IPO9: variants seen among roughly 807,000 people sequenced by gnomAD.
The protein encoded by IPO9 is importin-9.
In IPO9, 28 loss-of-function variants were observed where a neutral mutation model predicts 128.6. The ratio of observed to expected loss-of-function variants is 0.22; its 90% CI spans 0.16 to 0.30. The LOEUF is 0.30. Among genes scored for constraint, IPO9 ranks in the 10% least tolerant of loss-of-function variants. IPO9 has a pLI of 1.00. For synonymous variants in IPO9, 455 were observed against 475.8 expected (o/e 0.96, Z 0.57); for missense variants, 935 against 1,293.9 (o/e 0.72, Z 4.26).
chr1:201,855,640 T>C, intron 9 of IPO9, 143 bp from the exon 10 acceptor site: 1 of 721,900 alleles, frequency 1.4e-6, no homozygotes, highest in African/African-American at 1.8e-5. Context: ...CTCTGAGCCC[T>C]CTCTCCCAAT....
chr1:201,875,125 C>G, intron 22 of IPO9, 27 bp from the exon 23 acceptor site: 1 of 1,602,802 alleles, frequency 6.2e-7, no homozygotes, highest in Non-Finnish European at 8.5e-7. Context: ...TTGTCCTGAC[C>G]CGCCCTGTGT....
In IPO9 at chr1:201,876,392, T is replaced by C. The variant is rs1680764000; in HGVS notation, c.*338T>C. 2 of 412,800 alleles carry C rather than the reference T, an allele frequency of 4.8e-6. No individual in the cohort carries two copies. The highest frequency in any genetic ancestry group is 3.5e-5 in the Admixed American group (1 of 28,284). 25.6% of individuals were successfully genotyped at this position (412,800 alleles called of 1,614,324 possible). On this transcript the variant is annotated 3_prime_UTR_variant, in exon 24 of 24. Coordinates refer to ENST00000361565, the MANE Select transcript of IPO9 (RefSeq NM_018085.5). ...AGAAGGATTATGTGTTTATGGATTATTTTGCCCCGCCTCAGGAGCGCAGGA... is the reference window on the plus strand; with the variant it reads ...AGAAGGATTATGTGTTTATGGATTACTTTGCCCCGCCTCAGGAGCGCAGGA...
At chr1:201,874,166 G>A in intron 20 of IPO9, 84 bp from the exon 21 acceptor site, 1 of 1,452,180 alleles carries the variant, frequency 6.9e-7, no homozygotes, top group Non-Finnish European at 9.5e-7. Flanking sequence ...GAACTCTGGT[G>A]AGTGGCACTG....
At chr1:201,831,372 A>G (rs2102865203) in intron 1 of IPO9, among the ~76,000 whole-genome samples, 1 of 152,260 alleles carries the variant, frequency 6.6e-6, no homozygotes, top group Admixed American at 6.5e-5. Context: ...CATATGACTC[A>G]GGTTTTGGAT....
intron 6 of IPO9, among the ~76,000 whole-genome samples, chr1:201,853,800 G>T (rs1680268447): frequency 1.3e-5 from 2 of 152,130 alleles, no homozygotes; most frequent in Non-Finnish European, 2.9e-5. Flanking sequence ...GTGCAGTGGT[G>T]CAATCTCAGC....
At chr1:201,865,199 C>CTTTT (rs201084995) in intron 14 of IPO9, among the ~76,000 whole-genome samples, 27 of 132,850 alleles carry the variant, frequency 2.0e-4, no homozygotes, top group Non-Finnish European at 2.7e-4. Flanking sequence ...AACTATTTTT[C>CTTTT]TTTTTTTTTT....
chr1:201,865,526 T>G (rs1184031088), intron 14 of IPO9, among the ~76,000 whole-genome samples: 1 of 152,158 alleles, frequency 6.6e-6, no homozygotes, highest in Non-Finnish European at 1.5e-5. Context: ...TCTTTTCTAA[T>G]GTCACTAGTA....
intron 10 of IPO9, 145 bp downstream of exon 10, chr1:201,856,079 C>G: frequency 1.7e-6 from 1 of 575,868 alleles, no homozygotes; most frequent in Non-Finnish European, 2.7e-6. Context: ...AAAGGTTTGA[C>G]ATCATTTTAT....
chr1:201,867,465 A>G (rs1680574619), intron 15 of IPO9, among the ~76,000 whole-genome samples: 1 of 152,162 alleles, frequency 6.6e-6, no homozygotes, highest in Non-Finnish European at 1.5e-5. Context: ...TTAAAAATCA[A>G]GCTTAAAAGG....
At position 201,855,873 on chromosome 1, in the gene IPO9, A is replaced by C. The variant is rs765772025; in HGVS notation, c.1061A>C (p.Lys354Thr). ...AATAGCAAATTCAAAAGCACTGTTAAGAAAGCCTTGCCTGAATTGATTTAT... is the reference window on the plus strand; with the variant it reads ...AATAGCAAATTCAAAAGCACTGTTACGAAAGCCTTGCCTGAATTGATTTAT... ...LENSKFKSTVKKALPELIYYI... is the reference protein window; with the variant it reads ...LENSKFKSTVTKALPELIYYI... The change falls in exon 10 of 24, where the codon AAG becomes ACG. Residue 354 changes from lysine (K) to threonine (T), a missense_variant. Coordinates refer to ENST00000361565, the MANE Select transcript of IPO9 (RefSeq NM_018085.5). The C allele has an allele frequency of 6.2e-7, 1 of 1,612,216 alleles. No individual in the cohort carries two copies. Among genetic ancestry groups the C allele is most frequent in the South Asian group, 1.1e-5 (1 of 90,494 alleles).
chr1:201,849,204 C>G (rs1571544177), intron 4 of IPO9, among the ~76,000 whole-genome samples: 1 of 152,202 alleles, frequency 6.6e-6, no homozygotes, highest in East Asian at 1.9e-4. Flanking sequence ...TTCCTTCTCT[C>G]TGTTCTGAGA....
intron 1 of IPO9, among the ~76,000 whole-genome samples, chr1:201,835,467 A>T (rs1168876175): frequency 1.3e-5 from 2 of 152,254 alleles, no homozygotes; most frequent in East Asian, 3.9e-4. Flanking sequence ...AAGTCAAAGG[A>T]TGCCATTTTG....
chr1:201,851,072 G>A (rs1471323027), intron 4 of IPO9, among the ~76,000 whole-genome samples: 1 of 152,048 alleles, frequency 6.6e-6, no homozygotes, highest in Non-Finnish European at 1.5e-5. Flanking sequence ...CTCAGGTACA[G>A]TGGCACTGTT....
chr1:201,854,486 G>A, intron 6 of IPO9, 109 bp from the exon 7 acceptor site: 1 of 1,356,606 alleles, frequency 7.4e-7, no homozygotes, highest in East Asian at 2.3e-5. Context: ...ATCAGGCTTG[G>A]AGCCTGAAGA....
At chr1:201,853,311 A>G (rs1025656493) in intron 6 of IPO9, among the ~76,000 whole-genome samples, 2 of 145,878 alleles carry the variant, frequency 1.4e-5, no homozygotes, top group Non-Finnish European at 3.0e-5. Flanking sequence ...ATGGCTCACT[A>G]CAGCCTTGAA....
intron 11 of IPO9, 101 bp downstream of exon 11, chr1:201,857,295 G>A: frequency 1.3e-6 from 1 of 775,712 alleles, no homozygotes; most frequent in Non-Finnish European, 2.2e-6. Flanking sequence ...GTGTTGTTGG[G>A]TGGCTTTATC....
chr1:201,877,905 CAA>C lies in IPO9; in HGVS notation c.*1852_*1853del, dbSNP rs1680796604. ...CACCATTGCACTACAGCCTGGGCAACAAGAGGAGCGAAACTCTGTCTCAAAAA... is the reference window on the plus strand; with the variant it reads ...CACCATTGCACTACAGCCTGGGCAACGAGGAGCGAAACTCTGTCTCAAAAA... On this transcript the variant is annotated 3_prime_UTR_variant, in exon 24 of 24. Transcript: ENST00000361565. The C allele has an allele frequency of 6.7e-6, 1 of 150,266 alleles. No homozygotes were observed. The highest frequency in any genetic ancestry group is 1.5e-5 in the Non-Finnish European group (1 of 67,760). The allele number at this position is 150,266 out of a possible 1,614,324, so 9.3% of individuals were successfully genotyped here.
chr1:201,841,135 A>G (rs887386110), intron 1 of IPO9, among the ~76,000 whole-genome samples: 6 of 152,252 alleles, frequency 3.9e-5, no homozygotes, highest in Non-Finnish European at 8.8e-5. Context: ...TAAATGTTTT[A>G]CAAATGAATA....
rs989044285 is a variant in IPO9, at chr1:201,882,643, G to A, written c.*6589G>A. ...CCTGTGTAGAATACATGATATGGTA[G>A]CAAATGTGCTGTAGGAAGAAAAGCA... On this transcript the variant is annotated 3_prime_UTR_variant, in exon 24 of 24. Transcript: ENST00000361565. The A allele has an allele frequency of 2.0e-5, 3 of 152,046 alleles. No individual in the cohort carries two copies. The highest frequency in any genetic ancestry group is 7.3e-5 in the African/African-American group (3 of 41,366). 9.4% of individuals were successfully genotyped at this position (152,046 alleles called of 1,614,324 possible).
Sources: allele counts gnomAD v4.1 joint callset (sites outside exome capture counted in the v4.1 genomes callset), GRCh38; gene constraint gnomAD v4.1.1; transcripts MANE v1.5; gene names NCBI Gene and HGNC (gene_info 2026-07-23, HGNC 2026-07-21).